Variants in FAM98A observed in about 807,000 individuals in gnomAD.
FAM98A encodes the protein protein FAM98A.
Under a neutral mutation model 62.9 loss-of-function variants are expected in FAM98A, and 25 were observed. That is an observed-to-expected ratio of 0.40 (90% CI 0.29 to 0.56). The LOEUF (loss-of-function observed/expected upper bound fraction) is 0.56. Among genes scored for constraint, FAM98A ranks in the 20% least tolerant of loss-of-function variants. The probability of loss-of-function intolerance (pLI) is 0.51; values close to 1 mark genes in which losing one functional copy is unlikely to be tolerated. For synonymous variants in FAM98A, 252 were observed against 228.6 expected (o/e 1.10, Z -0.92); for missense variants, 653 against 640.7 (o/e 1.02, Z -0.21).
chr2:33,585,466 T>A (rs1558546870), intron 7 of FAM98A, 22 bp from the exon 8 acceptor site: 1 of 1,613,410 alleles, frequency 6.2e-7, no homozygotes, highest in Non-Finnish European at 8.5e-7. Flanking sequence ...GAAAGATATT[T>A]TAAACTTTTA....
At chr2:33,588,649 G>A in intron 3 of FAM98A, 130 bp from the exon 4 acceptor site, 1 of 551,620 alleles carries the variant, frequency 1.8e-6, no homozygotes, top group African/African-American at 1.9e-5. Flanking sequence ...AAACAAGAAA[G>A]AAAAACTACT....
chr2:33,587,747 G>T (rs35215671), intron 4 of FAM98A: 16 of 172,502 alleles, frequency 9.3e-5, no homozygotes, highest in Non-Finnish European at 1.8e-4. Context: ...AACAAATACC[G>T]TTCTCTTCTA....
intron 2 of FAM98A, among the ~76,000 whole-genome samples, chr2:33,594,572 TATATACACACAC>T (rs1379844884): frequency 3.0e-5 from 3 of 99,460 alleles, no homozygotes; most frequent in Admixed American, 1.0e-4. Flanking sequence ...TATATATATA[TATATACACACAC>T]ACACACACAC....
chr2:33,588,578 C>G (rs557236906), intron 3 of FAM98A, 59 bp from the exon 4 acceptor site: 1 of 1,440,122 alleles, frequency 6.9e-7, no homozygotes, highest in Non-Finnish European at 9.6e-7. Flanking sequence ...AGTCATAAGT[C>G]TGGAGTCACA....
At position 33,599,251 on chromosome 2, in the gene FAM98A, T is replaced by G; in HGVS notation, c.-30A>C. On this transcript the variant is annotated 5_prime_UTR_variant, in exon 1 of 8. Transcript: ENST00000238823. ...CTGTGGTATTCAAATTTCCGAGTCG[T>G]CAGGCTCCCCTCTTCGCCGGCAACG... is the stretch of plus-strand genomic sequence containing the variant. 1 of 1,597,790 alleles carries G rather than the reference T, an allele frequency of 6.3e-7. No individual in the cohort carries two copies.
intron 3 of FAM98A, among the ~76,000 whole-genome samples, chr2:33,590,111 T>A (rs554917240): frequency 6.6e-6 from 1 of 152,288 alleles, no homozygotes; most frequent in Admixed American, 6.5e-5. Context: ...AAAGATGACC[T>A]CTTCCGATAA....
At position 33,585,664 on chromosome 2, in the gene FAM98A, G is replaced by C. The variant is rs766813352; in HGVS notation, c.754C>G (p.Pro252Ala). ...QTEKLAKVYQ[P>A]KRSVLSPKTT... ...TTAGGGGATAAGACTGAACGTTTCG[G>C]CTGGTAAACCTTGGCTAATTTTTCT... is the stretch of plus-strand genomic sequence containing the variant. The change falls in exon 7 of 8, where the codon CCG becomes GCG. Residue 252 changes from proline (P) to alanine (A), a missense_variant. By Grantham distance (27) the Pro-to-Ala change is conservative. Coordinates refer to ENST00000238823, the MANE Select transcript of FAM98A (RefSeq NM_015475.5). 1 of 1,613,956 alleles carries C rather than the reference G, an allele frequency of 6.2e-7. No individual in the cohort carries two copies. The highest frequency in any genetic ancestry group is 1.1e-5 in the South Asian group (1 of 91,048).
intron 2 of FAM98A, among the ~76,000 whole-genome samples, chr2:33,594,294 C>A (rs892538526): frequency 2.6e-5 from 4 of 152,078 alleles, no homozygotes; most frequent in Admixed American, 2.6e-4. Context: ...CCATCATCCT[C>A]CACAAACTAA....
intron 1 of FAM98A, 68 bp from the exon 2 acceptor site, chr2:33,595,705 A>C: frequency 8.9e-7 from 1 of 1,125,434 alleles, no homozygotes; most frequent in Non-Finnish European, 1.2e-6. Flanking sequence ...GATAAAACAT[A>C]TCTATGTCTT....
chr2:33,599,020 C>A, intron 1 of FAM98A, 149 bp downstream of exon 1: 1 of 732,754 alleles, frequency 1.4e-6, no homozygotes, highest in Non-Finnish European at 2.5e-6. Context: ...GTGGACGTGG[C>A]ATTGGGGGTG....
rs770624728 is a variant in FAM98A, at chr2:33,584,958, C to G, written c.1375G>C (p.Gly459Arg). ...QDGGHHGDRG[G>R]GRGGRGGRGG... ...CGACCACCTCGCCCACCACGACCACCACCACGATCACCATGGTGCCCGCCA... is the reference window on the plus strand; with the variant it reads ...CGACCACCTCGCCCACCACGACCACGACCACGATCACCATGGTGCCCGCCA... Residue 459 changes from glycine to arginine, a missense_variant, in exon 8 of 8, where the codon GGT (glycine) becomes CGT (arginine). Transcript: ENST00000238823. 2 of 1,614,126 alleles carry G rather than the reference C, an allele frequency of 1.2e-6. No homozygotes were observed. The highest frequency in any genetic ancestry group is 1.7e-6 in the Non-Finnish European group (2 of 1,180,022).
chr2:33,592,091 A>T lies in FAM98A; in HGVS notation c.326T>A (p.Leu109His), dbSNP rs758588154. ...TKRLLIQKNC[L>H]LLLTYLISEL... ...AGCCATGAACTTACTGAGCAAGAGG[A>T]GGCAGTTCTTCTGAATGAGAAGGCG... Residue 109 changes from leucine to histidine, a missense_variant, in exon 3 of 8, where the codon CTC (leucine) becomes CAC (histidine). By Grantham distance (99) the Leu-to-His change is moderately conservative. Coordinates refer to ENST00000238823, the MANE Select transcript of FAM98A (RefSeq NM_015475.5). The T allele has an allele frequency of 1.2e-6, 2 of 1,613,142 alleles. No individual in the cohort carries two copies. Among genetic ancestry groups the T allele is most frequent in the Non-Finnish European group, 1.7e-6 (2 of 1,179,382 alleles).
intron 2 of FAM98A, among the ~76,000 whole-genome samples, chr2:33,593,067 C>G (rs973121081): frequency 6.6e-6 from 1 of 152,298 alleles, no homozygotes; most frequent in East Asian, 1.9e-4. Context: ...CTCGTACTTG[C>G]TGATTTCCTC....
intron 2 of FAM98A, among the ~76,000 whole-genome samples, chr2:33,593,379 G>C (rs1677719222): frequency 6.6e-6 from 1 of 152,194 alleles, no homozygotes; most frequent in African/African-American, 2.4e-5. Context: ...ACTTCAGCCT[G>C]GGTGACAGAG....
chr2:33,595,550 A>G lies in FAM98A; in HGVS notation c.141T>C (p.Ala47=). The G allele has an allele frequency of 6.2e-7, 1 of 1,611,222 alleles. No homozygotes were observed. Among genetic ancestry groups the G allele is most frequent in the Non-Finnish European group, 8.5e-7 (1 of 1,179,006 alleles). ...GCACTCTTAATTCAGACACCAGCCA[A>G]GCACAGAGTTTGGTAAACTCGGGGG... The part of the protein sequence containing the change: ...ASSPEFTKLC[A]WLVSELRVLC... Residue 47 remains alanine, a synonymous_variant, in exon 2 of 8, where the codon GCT becomes GCC. Transcript: ENST00000238823.
intron 3 of FAM98A, chr2:33,591,794 G>C (rs557760967): frequency 8.2e-6 from 2 of 243,954 alleles, no homozygotes; most frequent in South Asian, 1.3e-4. Flanking sequence ...TCACACACTT[G>C]AGCAACACTC....
Position 33,587,313 on chromosome 2 carries a change from TCC to T in FAM98A, c.528_529del (p.Glu177AsnfsTer8). On this transcript the variant is annotated frameshift_variant, in exon 5 of 8. Transcript: ENST00000238823. LOFTEE classifies it high-confidence loss of function. ...ATTAGGTGGAACTTTTGCTAATGTT[TCC>T]TTTAACTGACACAAAAACATAAATA... is the stretch of plus-strand genomic sequence containing the variant. The T allele has an allele frequency of 6.2e-7, 1 of 1,611,734 alleles. No individual in the cohort carries two copies. Among genetic ancestry groups the T allele is most frequent in the Admixed American group, 1.7e-5 (1 of 60,020 alleles).
At chr2:33,598,652 T>C (rs1677874126) in intron 1 of FAM98A, among the ~76,000 whole-genome samples, 1 of 152,026 alleles carries the variant, frequency 6.6e-6, no homozygotes, top group African/African-American at 2.4e-5. Context: ...GCGGAACAGA[T>C]GCAGCGCCCA....
At chr2:33,596,888 T>C (rs1345480020) in intron 1 of FAM98A, among the ~76,000 whole-genome samples, 1 of 58,002 alleles carries the variant, frequency 1.7e-5, no homozygotes, top group African/African-American at 1.0e-4. Context: ...CAAGACTCCG[T>C]ATCAAAAAAA....
Sources: gnomAD v4.1 joint callset for allele counts (sites outside exome capture counted in the v4.1 genomes callset) on GRCh38, gnomAD v4.1.1 for gene constraint, MANE v1.5 for transcripts, NCBI Gene and HGNC (gene_info 2026-07-23, HGNC 2026-07-21) for gene names.